SYNPR: variants seen among roughly 807,000 people sequenced by gnomAD.
The protein encoded by SYNPR is synaptoporin.
Under a neutral mutation model 32.9 loss-of-function variants are expected in SYNPR, and 23 were observed. The observed-to-expected ratio is 0.70, with a 90% confidence interval of 0.50 to 0.99. SYNPR has a LOEUF of 0.99. Among genes scored for constraint, SYNPR ranks in the 50% least tolerant of loss-of-function variants. SYNPR has a pLI of 0.00. For missense variants in SYNPR, 318 were observed against 349.3 expected (o/e 0.91, Z 0.71); for synonymous variants, 146 against 135.9 (o/e 1.07, Z -0.52).
intron 2 of SYNPR, among the ~76,000 whole-genome samples, chr3:63,335,757 A>C: frequency 8.1e-6 from 1 of 122,940 alleles, no homozygotes; most frequent in African/African-American, 3.1e-5. Context: ...TCAAGTCCAT[A>C]TTAGCTTCCT....
intron 3 of SYNPR, among the ~76,000 whole-genome samples, chr3:63,535,863 C>A (rs990355966): frequency 3.3e-5 from 5 of 152,052 alleles, no homozygotes; most frequent in East Asian, 1.9e-4. Flanking sequence ...ATTTTTATGA[C>A]CTTGGGCTAG....
intron 2 of SYNPR, among the ~76,000 whole-genome samples, chr3:63,474,932 C>A (rs74590843): frequency 6.6e-6 from 1 of 152,292 alleles, no homozygotes; most frequent in South Asian, 2.1e-4. Context: ...CCTCCTCCAA[C>A]CTATTGCATT....
At chr3:63,278,856 C>A in intron 2 of SYNPR, 114 bp downstream of exon 2, 1 of 1,203,746 alleles carries the variant, frequency 8.3e-7, no homozygotes, top group Non-Finnish European at 1.1e-6. Flanking sequence ...ATTCAACCCT[C>A]AAGCCGGGGA....
At chr3:63,443,277 G>A (rs1700214019) in intron 2 of SYNPR, 1 of 1,450,694 alleles carries the variant, frequency 6.9e-7, no homozygotes, top group Non-Finnish European at 9.1e-7. Flanking sequence ...CTATCTGATT[G>A]GTATAACATC....
chr3:63,210,391 A>G, the SYNPR span, among the ~76,000 whole-genome samples: 1 of 152,246 alleles, frequency 6.6e-6, no homozygotes, highest in African/African-American at 2.4e-5. Flanking sequence ...ATTTGATTCC[A>G]TCTAACTGAA....
intron 4 of SYNPR, among the ~76,000 whole-genome samples, chr3:63,574,252 C>G (rs1702940602): frequency 6.6e-6 from 1 of 152,282 alleles, no homozygotes. Flanking sequence ...CACATTTTGC[C>G]TGTGGCCTCA....
At chr3:63,445,090 AATATTTTATATAAT>A (rs1325967903) in intron 2 of SYNPR, among the ~76,000 whole-genome samples, 1 of 151,996 alleles carries the variant, frequency 6.6e-6, no homozygotes, top group African/African-American at 2.4e-5. Context: ...AACGTCCTTT[AATATTTTATATAAT>A]ATATTTTATA....
the SYNPR span, among the ~76,000 whole-genome samples, chr3:63,207,020 C>T: frequency 6.6e-6 from 1 of 152,196 alleles, no homozygotes; most frequent in East Asian, 1.9e-4. Flanking sequence ...AAGCACCAGG[C>T]TCTCAGGGAG....
intron 2 of SYNPR, among the ~76,000 whole-genome samples, chr3:63,364,320 T>C (rs1288205617): frequency 3.3e-5 from 5 of 152,178 alleles, no homozygotes; most frequent in Admixed American, 3.3e-4. Context: ...GGTGGGGTAA[T>C]GAGATAAGTG....
At chr3:63,560,381 G>A (rs895360983) in intron 4 of SYNPR, among the ~76,000 whole-genome samples, 4 of 152,194 alleles carry the variant, frequency 2.6e-5, no homozygotes, top group East Asian at 1.9e-4. Flanking sequence ...GAAGTAAGGG[G>A]TGCTATGACA....
At chr3:63,205,879 C>A in the SYNPR span, among the ~76,000 whole-genome samples, 4 of 152,132 alleles carry the variant, frequency 2.6e-5, no homozygotes, top group Admixed American at 6.5e-5. Context: ...ACATTTCTGG[C>A]CATGAATCCC....
chr3:63,386,263 G>A (rs1430309192), intron 2 of SYNPR, among the ~76,000 whole-genome samples: 1 of 152,174 alleles, frequency 6.6e-6, no homozygotes, highest in Non-Finnish European at 1.5e-5. Context: ...TTTGAACCCT[G>A]CTTCAATTGA....
intron 2 of SYNPR, among the ~76,000 whole-genome samples, chr3:63,381,466 C>T (rs986584448): frequency 1.8e-4 from 27 of 152,246 alleles, no homozygotes; most frequent in African/African-American, 4.3e-4. Flanking sequence ...ATCGTGAAAA[C>T]GGCCATACTG....
intron 4 of SYNPR, among the ~76,000 whole-genome samples, chr3:63,581,681 C>T (rs1459688143): frequency 1.3e-5 from 2 of 151,964 alleles, no homozygotes; most frequent in Admixed American, 1.3e-4. Flanking sequence ...CAACACGGTC[C>T]TAAATACAAA....
chr3:63,511,331 C>G (rs1701697122), intron 3 of SYNPR, among the ~76,000 whole-genome samples: 1 of 152,072 alleles, frequency 6.6e-6, no homozygotes, highest in Non-Finnish European at 1.5e-5. Context: ...GCATAGTTTG[C>G]CCCACTGTGC....
At chr3:63,273,525 G>A (rs1261493325), upstream of SYNPR, among the ~76,000 whole-genome samples, 1 of 152,078 alleles carries the variant, frequency 6.6e-6, no homozygotes, top group Non-Finnish European at 1.5e-5. Context: ...ATTCTCTGGG[G>A]TCAATGGATC....
At chr3:63,550,648 A>G (rs1462365960) in intron 3 of SYNPR, among the ~76,000 whole-genome samples, 1 of 152,162 alleles carries the variant, frequency 6.6e-6, no homozygotes, top group South Asian at 2.1e-4. Flanking sequence ...AAGATTGCAG[A>G]CCTAGTTTGT....
In SYNPR at chr3:63,443,395, A is replaced by G. The variant is rs901544912; in HGVS notation, c.85-37437A>G. 6.3e-6 allele frequency: 10 copies of G among 1,588,830 alleles called. No individual in the cohort carries two copies. In the Admixed American group the frequency reaches 1.8e-4, roughly 28 times the overall value. ...GAAGCTTTATTTTTAGTATGAGACAACCTCTATTTTCTTTCAGGAGAGGGA... is the reference window on the plus strand; with the variant it reads ...GAAGCTTTATTTTTAGTATGAGACAGCCTCTATTTTCTTTCAGGAGAGGGA... On this transcript the variant is annotated intron_variant, in intron 2 of 5. Coordinates refer to ENST00000478300, the MANE Select transcript of SYNPR (RefSeq NM_001130003.2).
intron 2 of SYNPR, among the ~76,000 whole-genome samples, chr3:63,395,179 A>G (rs1258619062): frequency 1.3e-5 from 2 of 152,194 alleles, no homozygotes; most frequent in Non-Finnish European, 2.9e-5. Context: ...TTTCAGGGAG[A>G]AAGCTGTTGG....
Sources: allele counts gnomAD v4.1 joint callset (sites outside exome capture counted in the v4.1 genomes callset), GRCh38; gene constraint gnomAD v4.1.1; transcripts MANE v1.5; gene names NCBI Gene and HGNC (gene_info 2026-07-23, HGNC 2026-07-21).